The following UBQLN1 variants were observed in gnomAD, a reference collection of about 807,000 sequenced individuals.
The protein encoded by UBQLN1 is ubiquilin-1.
A neutral mutation model predicts 65.4 loss-of-function variants in UBQLN1; 13 were observed. That is an observed-to-expected ratio of 0.20 (90% confidence interval 0.13 to 0.32). The LOEUF is 0.32. Among genes scored for constraint, UBQLN1 ranks in the 10% least tolerant of loss-of-function variants. The pLI, the probability that UBQLN1 is intolerant of heterozygous loss-of-function variation, is 1.00. For synonymous variants in UBQLN1, 267 were observed against 247.8 expected, an observed-to-expected ratio of 1.08 and a Z score of -0.73; for missense variants, 561 against 724.0, an observed-to-expected ratio of 0.77 and a Z score of 2.58.
chr9:83,685,155 G>GA (rs34795460), intron 2 of UBQLN1, among the ~76,000 whole-genome samples: 35,439 of 152,122 alleles, frequency 0.23, 5,859 homozygotes, highest in East Asian at 0.81. Flanking sequence ...AAAATAGAAG[G>GA]AATATGTTGA....
chr9:83,685,160 T>C (rs1187922639), intron 2 of UBQLN1, among the ~76,000 whole-genome samples: 1 of 151,858 alleles, frequency 6.6e-6, no homozygotes, highest in Non-Finnish European at 1.5e-5. Flanking sequence ...AGAAGGAATA[T>C]GTTGAATGAG....
At chr9:83,667,937 T>C (rs780890784) in intron 7 of UBQLN1, 40 of 984,294 alleles carry the variant, frequency 4.1e-5, no homozygotes, top group Non-Finnish European at 4.8e-5. Flanking sequence ...AAAAATAGTA[T>C]GTGAGTGCTC....
At chr9:83,680,172 G>A (rs547956395) in intron 3 of UBQLN1, 135 bp from the exon 4 acceptor site, 24 of 969,242 alleles carry the variant, frequency 2.5e-5, no homozygotes, top group East Asian at 1.1e-4. Context: ...AAAACAAATC[G>A]AATACCTATT....
At chr9:83,707,288 G>A (rs1381191833) in intron 1 of UBQLN1, among the ~76,000 whole-genome samples, 1 of 152,158 alleles carries the variant, frequency 6.6e-6, no homozygotes, top group Non-Finnish European at 1.5e-5. Flanking sequence ...GCATCAGCCC[G>A]TCCCACAAAC....
chr9:83,674,145 G>A (rs1831787323), intron 6 of UBQLN1, among the ~76,000 whole-genome samples: 2 of 150,240 alleles, frequency 1.3e-5, no homozygotes, highest in Non-Finnish European at 2.9e-5. Flanking sequence ...AAAACACAGT[G>A]AATCAGTTAT....
chr9:83,687,576 T>C (rs1347867119), intron 1 of UBQLN1, among the ~76,000 whole-genome samples: 1 of 152,126 alleles, frequency 6.6e-6, no homozygotes, highest in African/African-American at 2.4e-5. Flanking sequence ...GTTGTCACGA[T>C]AAACGGAAAG....
At chr9:83,666,506 C>G in intron 7 of UBQLN1, 73 bp from the exon 8 acceptor site, 2 of 1,483,454 alleles carry the variant, frequency 1.3e-6, no homozygotes, top group Admixed American at 1.7e-5. Context: ...TTTATTCTAT[C>G]TTCCCCCAAG....
intron 7 of UBQLN1, chr9:83,668,284 A>C: frequency 1.0e-6 from 1 of 984,544 alleles, no homozygotes; most frequent in African/African-American, 1.7e-5. Flanking sequence ...TTTAGAATTT[A>C]GAAAATAAAA....
At chr9:83,683,455 C>T (rs1331817747) in intron 2 of UBQLN1, among the ~76,000 whole-genome samples, 2 of 146,910 alleles carry the variant, frequency 1.4e-5, no homozygotes, top group Middle Eastern at 3.6e-3. Flanking sequence ...GAAATCCTGA[C>T]ATCTAGAAAT....
At position 83,669,218 on chromosome 9, in the gene UBQLN1, C is replaced by T; in HGVS notation, c.1215G>A (p.Gln405=). The stretch of plus-strand genomic sequence containing the variant: ...CAAGGTCAGGATTCTGGCTTAGTGA[C>T]TGCATCATGCTTCTCATGTAGGGGG... ...LSAPYMRSMM[Q]SLSQNPDLAA... Residue 405 remains glutamine, a synonymous_variant, in exon 7 of 11, where the codon CAG becomes CAA. Coordinates refer to ENST00000376395, the MANE Select transcript of UBQLN1 (RefSeq NM_013438.5). The T allele has an allele frequency of 6.2e-7, 1 of 1,611,882 alleles. No individual in the cohort carries two copies. Among genetic ancestry groups the T allele is most frequent in the Non-Finnish European group, 8.5e-7 (1 of 1,179,610 alleles).
At chr9:83,680,368 C>T (rs182560197) in intron 3 of UBQLN1, among the ~76,000 whole-genome samples, 28 of 151,978 alleles carry the variant, frequency 1.8e-4, no homozygotes, top group African/African-American at 6.8e-4. Context: ...TTTTATTATT[C>T]ATTACAAGCC....
chr9:83,691,060 C>T (rs1186941375), intron 1 of UBQLN1, among the ~76,000 whole-genome samples: 1 of 151,966 alleles, frequency 6.6e-6, no homozygotes, highest in East Asian at 1.9e-4. Flanking sequence ...ATCACTTGAA[C>T]CCAGGAGGCA....
Position 83,669,320 on chromosome 9 carries a change from C to T in UBQLN1, c.1113G>A (p.Met371Ile), listed in dbSNP as rs764664401. 3.1e-6 allele frequency: 5 copies of T among 1,588,704 alleles called. 1 individual carries two copies. In the South Asian group the frequency reaches 4.7e-5, roughly 15 times the overall value. Reference protein sequence around the residue: ...PNLVPGVGASMFNTPGMQSLL... With the variant: ...PNLVPGVGASIFNTPGMQSLL... ...AGCTCTGCATTCCTGGTGTGTTGAA[C>T]ATACTAGCTGAAAGTTTGTTTTTAA... Residue 371 changes from methionine to isoleucine, a missense_variant, in exon 7 of 11, where the codon ATG becomes ATA. Coordinates refer to ENST00000376395, the MANE Select transcript of UBQLN1 (RefSeq NM_013438.5).
chr9:83,691,690 A>G (rs1832131631), intron 1 of UBQLN1, among the ~76,000 whole-genome samples: 1 of 152,220 alleles, frequency 6.6e-6, no homozygotes, highest in Non-Finnish European at 1.5e-5. Context: ...AAACCAAACC[A>G]AAGTCCTGAC....
chr9:83,693,594 T>TA (rs1832162918), intron 1 of UBQLN1, among the ~76,000 whole-genome samples: 1 of 152,170 alleles, frequency 6.6e-6, no homozygotes. Context: ...CCGTATCAAA[T>TA]AAGAGTACGC....
Position 83,679,779 on chromosome 9 carries a change from C to G in UBQLN1, c.707G>C (p.Arg236Thr). ...CTGAAAGAACTTTCCACATACTTGT[C>G]TCATTATATCTGGATTATTCAACAT... ...SHMLNNPDIM[R>T]QTLELARNPA... Residue 236 changes from arginine (R) to threonine (T), a missense_variant, in exon 4 of 11, where the codon AGA (arginine) becomes ACA (threonine). This residue lies in a region of UBQLN1 where 75 missense variants were observed against 138.9 expected (regional missense o/e 0.54). Transcript: ENST00000376395. 6.2e-7 allele frequency: 1 copy of G among 1,612,878 alleles called. No homozygotes were observed. The highest frequency in any genetic ancestry group is 8.5e-7 in the Non-Finnish European group (1 of 1,179,056).
At chr9:83,668,050 C>A (rs181978129) in intron 7 of UBQLN1, 66 of 985,210 alleles carry the variant, frequency 6.7e-5, no homozygotes, top group Non-Finnish European at 7.8e-5. Flanking sequence ...GCCAAATACA[C>A]ACTTAAAATG....
At chr9:83,699,949 G>T (rs1353800039) in intron 1 of UBQLN1, among the ~76,000 whole-genome samples, 2 of 152,130 alleles carry the variant, frequency 1.3e-5, no homozygotes, top group African/African-American at 4.8e-5. Context: ...TTTAATAACG[G>T]TATCTTGAAA....
In UBQLN1 at chr9:83,679,735, C is replaced by G. The variant is rs187284337; in HGVS notation, c.711+40G>C. The G allele has an allele frequency of 5.0e-6, 8 of 1,592,902 alleles. No homozygotes were observed. The Admixed American group carries it at 1.4e-4, about 27-fold the overall frequency. Reference sequence around the variant, plus strand: ...ACAGAAAATTAAATAACAAATATATCATTTTTTAGCTAAACGAACTGAAAG... The same window carrying G: ...ACAGAAAATTAAATAACAAATATATGATTTTTTAGCTAAACGAACTGAAAG... On this transcript the variant is annotated intron_variant, in intron 4 of 10. Coordinates refer to ENST00000376395, the MANE Select transcript of UBQLN1 (RefSeq NM_013438.5).
Sources: gnomAD v4.1 joint callset for allele counts (sites outside exome capture counted in the v4.1 genomes callset) on GRCh38, gnomAD v4.1.1 for gene constraint, gnomAD v4.1.1 regional missense constraint, MANE v1.5 for transcripts, NCBI Gene and HGNC (gene_info 2026-07-23, HGNC 2026-07-21) for gene names.